RFX7: variants seen among roughly 807,000 people sequenced by gnomAD.
The protein encoded by RFX7 is regulatory factor X7.
RFX7 carries 26 observed loss-of-function variants against 111.8 expected under a neutral mutation model. The observed-to-expected ratio is 0.23, with a 90% CI of 0.17 to 0.32. The LOEUF is 0.32. Ranked by LOEUF, RFX7 falls within the 10% of genes least tolerant of loss-of-function variation. The probability of loss-of-function intolerance (pLI) is 1.00; values close to 1 mark genes in which losing one functional copy is unlikely to be tolerated. For missense variants in RFX7, 1,573 were observed against 1,772.9 expected, an observed-to-expected ratio of 0.89 and a Z score of 2.02; for synonymous variants, 624 against 624.4, an observed-to-expected ratio of 1.00 and a Z score of 0.01.
At chr15:56,184,193 A>ATTTTTTTTTTT (rs35880948) in intron 2 of RFX7, among the ~76,000 whole-genome samples, 81 of 80,714 alleles carry the variant, frequency 1.0e-3, no homozygotes, top group Non-Finnish European at 1.6e-3. Context: ...CTAATTTTGT[A>ATTTTTTTTTTT]TTTTTTTTTT....
At chr15:56,096,969 C>T (rs1161623643) in intron 9 of RFX7, among the ~76,000 whole-genome samples, 1 of 152,116 alleles carries the variant, frequency 6.6e-6, no homozygotes, top group African/African-American at 2.4e-5. Flanking sequence ...GTAAAGGTTA[C>T]CTACCAGAAT....
chr15:56,122,449 CCAT>C (rs1420414534), intron 5 of RFX7, among the ~76,000 whole-genome samples: 5 of 152,298 alleles, frequency 3.3e-5, no homozygotes, highest in African/African-American at 9.6e-5. Context: ...AGCCCTGTGA[CCAT>C]CACTACTGGG....
intron 2 of RFX7, among the ~76,000 whole-genome samples, chr15:56,197,815 G>A (rs1443622098): frequency 2.0e-5 from 3 of 152,140 alleles, no homozygotes. Context: ...TGGACTGCAG[G>A]AAGATGGGCT....
intron 3 of RFX7, among the ~76,000 whole-genome samples, chr15:56,155,250 AT>A (rs1408478076): frequency 2.6e-5 from 4 of 152,208 alleles, no homozygotes; most frequent in Non-Finnish European, 4.4e-5. Flanking sequence ...TGGAAATACC[AT>A]TTGACCCACA....
chr15:56,141,389 C>A (rs557463436), intron 5 of RFX7, among the ~76,000 whole-genome samples: 4 of 151,584 alleles, frequency 2.6e-5, no homozygotes, highest in Admixed American at 6.6e-5. Flanking sequence ...AACAAACAAA[C>A]AAAAAAACCA....
At chr15:56,201,586 A>G (rs1419242827) in intron 2 of RFX7, among the ~76,000 whole-genome samples, 1 of 152,214 alleles carries the variant, frequency 6.6e-6, no homozygotes, top group Middle Eastern at 3.2e-3. Context: ...AAAATAATTT[A>G]TTAAGGATAT....
At chr15:56,186,828 TCTC>T (rs1321436310) in intron 2 of RFX7, among the ~76,000 whole-genome samples, 3 of 152,186 alleles carry the variant, frequency 2.0e-5, no homozygotes, top group African/African-American at 7.2e-5. Flanking sequence ...TCCCATATTC[TCTC>T]CTGTATGTAT....
chr15:56,228,717 T>C (rs766257479), intron 2 of RFX7, among the ~76,000 whole-genome samples: 18 of 152,140 alleles, frequency 1.2e-4, no homozygotes, highest in Non-Finnish European at 2.5e-4. Context: ...ATTATGGAAT[T>C]ATGAATTCCA....
At chr15:56,239,051 C>T (rs913399713) in intron 2 of RFX7, among the ~76,000 whole-genome samples, 3 of 151,924 alleles carry the variant, frequency 2.0e-5, no homozygotes, top group East Asian at 1.9e-4. Context: ...CCAGGCTGGT[C>T]GCAAACTCCT....
At position 56,101,557 on chromosome 15, in the gene RFX7, C is replaced by G; in HGVS notation, c.613G>C (p.Ala205Pro). The G allele has an allele frequency of 6.2e-7, 1 of 1,613,130 alleles. No homozygotes were observed. Among genetic ancestry groups the G allele is most frequent in the Non-Finnish European group, 8.5e-7 (1 of 1,179,356 alleles). ...FHKTGDGLEGAEPSGQLQNID... is the reference protein window; with the variant it reads ...FHKTGDGLEGPEPSGQLQNID... Reference sequence around the variant, plus strand: ...TTTTGAAGCTGCCCAGAAGGTTCAGCTCCTTCCAACTAGGCAAAGAAAAAA... The same window carrying G: ...TTTTGAAGCTGCCCAGAAGGTTCAGGTCCTTCCAACTAGGCAAAGAAAAAA... The change falls in exon 8 of 10, where the codon GCT becomes CCT. Residue 205 changes from alanine to proline, a missense_variant. Coordinates refer to ENST00000559447, the MANE Select transcript of RFX7 (RefSeq NM_022841.7).
intron 2 of RFX7, among the ~76,000 whole-genome samples, chr15:56,207,663 T>C (rs1472414941): frequency 1.3e-5 from 2 of 152,130 alleles, no homozygotes; most frequent in African/African-American, 2.4e-5. Flanking sequence ...AACTGATAAA[T>C]TGGACTTGTG....
intron 5 of RFX7, among the ~76,000 whole-genome samples, chr15:56,137,360 A>T: frequency 6.6e-6 from 1 of 152,200 alleles, no homozygotes; most frequent in Non-Finnish European, 1.5e-5. Flanking sequence ...GTATGTGTCA[A>T]GGAATTTATC....
chr15:56,193,475 TGATA>T (rs1403870481), intron 2 of RFX7, among the ~76,000 whole-genome samples: 1 of 152,236 alleles, frequency 6.6e-6, no homozygotes, highest in African/African-American at 2.4e-5. Context: ...TGTTGATAAT[TGATA>T]ATGACAGGCA....
At chr15:56,115,134 C>A (rs915392258) in intron 5 of RFX7, among the ~76,000 whole-genome samples, 2 of 152,128 alleles carry the variant, frequency 1.3e-5, no homozygotes, top group Non-Finnish European at 1.5e-5. Flanking sequence ...CTCAGCCTCC[C>A]GAGTAGCTGG....
rs566226532 is a variant in RFX7, at chr15:56,090,227, A to G, written c.*3118T>C. 3 of 152,336 alleles carry G rather than the reference A, an allele frequency of 2.0e-5. No individual in the cohort carries two copies. The highest frequency in any genetic ancestry group is 3.9e-4 in the East Asian group (2 of 5,192). 9.4% of individuals were successfully genotyped at this position (152,336 alleles called of 1,614,324 possible). A position where few individuals can be genotyped will look rare whatever the true frequency, so the allele number is the denominator to read the frequency against. On this transcript the variant is annotated 3_prime_UTR_variant, in exon 10 of 10. Coordinates refer to ENST00000559447, the MANE Select transcript of RFX7 (RefSeq NM_022841.7). ...AGAAATATACTTACCTAGGTACTCC[A>G]TAGGCTAACATTTAAACACTATGTG...
rs1265367008 is a variant in RFX7, at chr15:56,091,069, T to C, written c.*2276A>G. On this transcript the variant is annotated 3_prime_UTR_variant, in exon 10 of 10. Coordinates refer to ENST00000559447, the MANE Select transcript of RFX7 (RefSeq NM_022841.7). ...AAAAAAAGAGTGGTTACAGGAATCC[T>C]AGTACTGTACAAGATAAGTCAATAA... The C allele has an allele frequency of 1.3e-5, 2 of 152,552 alleles. No individual in the cohort carries two copies. Among genetic ancestry groups the C allele is most frequent in the African/African-American group, 4.8e-5 (2 of 41,452 alleles). The allele number at this position is 152,552 out of a possible 1,614,324, so 9.4% of individuals were successfully genotyped here. A position where few individuals can be genotyped will look rare whatever the true frequency, so the allele number is the denominator to read the frequency against.
intron 5 of RFX7, among the ~76,000 whole-genome samples, chr15:56,112,644 A>G (rs2041955470): frequency 6.6e-6 from 1 of 152,174 alleles, no homozygotes; most frequent in South Asian, 2.1e-4. Flanking sequence ...CAAAAGCTAA[A>G]ACTGACAACT....
At chr15:56,097,834 GCT>G (rs1198931443) in intron 9 of RFX7, among the ~76,000 whole-genome samples, 6 of 148,376 alleles carry the variant, frequency 4.0e-5, no homozygotes, top group African/African-American at 1.5e-4. Flanking sequence ...CTTACATAAA[GCT>G]CTGAGTGGTT....
intron 5 of RFX7, among the ~76,000 whole-genome samples, chr15:56,139,570 C>T (rs1486043886): frequency 6.6e-6 from 1 of 152,088 alleles, no homozygotes; most frequent in Non-Finnish European, 1.5e-5. Flanking sequence ...AATGTCCTCC[C>T]GTAGCTCAGA....
Sources: gnomAD v4.1 joint callset for allele counts (sites outside exome capture counted in the v4.1 genomes callset) on GRCh38, gnomAD v4.1.1 for gene constraint, MANE v1.5 for transcripts, NCBI Gene and HGNC (gene_info 2026-07-23, HGNC 2026-07-21) for gene names.